The following ATP8A2 variants were observed in gnomAD, a reference collection of about 807,000 sequenced individuals.
ATP8A2 encodes the protein phospholipid-transporting ATPase IB.
ATP8A2 carries 100 observed loss-of-function variants against 165.6 expected under a neutral mutation model. That is an observed-to-expected ratio of 0.60 (90% CI 0.51 to 0.71). The LOEUF (loss-of-function observed/expected upper bound fraction) is 0.71, where lower values mean the gene tolerates loss of function less well. Ranked by LOEUF, ATP8A2 falls within the 30% of genes least tolerant of loss-of-function variation. The pLI is 0.00. For synonymous variants in ATP8A2, 543 were observed against 548.8 expected (o/e 0.99, Z 0.15); for missense variants, 1,227 against 1,479.5 (o/e 0.83, Z 2.80).
intron 4 of ATP8A2, among the ~76,000 whole-genome samples, chr13:25,531,284 TATATG>T (rs2038058578): frequency 3.3e-5 from 2 of 60,210 alleles, no homozygotes; most frequent in Non-Finnish European, 8.4e-5. Context: ...ATATATGTTA[TATATG>T]ATATATATGT....
intron 25 of ATP8A2, among the ~76,000 whole-genome samples, chr13:25,759,014 G>A (rs2044323169): frequency 6.6e-6 from 1 of 152,124 alleles, no homozygotes; most frequent in South Asian, 2.1e-4. Flanking sequence ...AAAGAAGGAA[G>A]GGGGGAGAGA....
At chr13:25,788,359 G>A (rs2045084104) in intron 27 of ATP8A2, among the ~76,000 whole-genome samples, 1 of 152,198 alleles carries the variant, frequency 6.6e-6, no homozygotes, top group South Asian at 2.1e-4. Context: ...AGCTCTTCTA[G>A]TCTGTTGTTC....
chr13:25,656,436 C>T (rs915219566), intron 24 of ATP8A2, among the ~76,000 whole-genome samples: 10 of 151,664 alleles, frequency 6.6e-5, no homozygotes, highest in Non-Finnish European at 1.0e-4. Flanking sequence ...CCATGATGCC[C>T]GGCTAATTTT....
At chr13:25,973,222 T>G (rs1955953069) in intron 35 of ATP8A2, among the ~76,000 whole-genome samples, 1 of 152,212 alleles carries the variant, frequency 6.6e-6, no homozygotes, top group Non-Finnish European at 1.5e-5. Flanking sequence ...GCTGTGTGGC[T>G]GGTCTTAAAC....
intron 28 of ATP8A2, among the ~76,000 whole-genome samples, chr13:25,834,356 G>A (rs964187111): frequency 2.0e-5 from 3 of 152,132 alleles, no homozygotes; most frequent in African/African-American, 7.2e-5. Flanking sequence ...GCAGAATCTA[G>A]TAAAATTAAA....
intron 18 of ATP8A2, among the ~76,000 whole-genome samples, chr13:25,572,386 G>A (rs1468266203): frequency 2.0e-5 from 3 of 152,180 alleles, no homozygotes; most frequent in East Asian, 3.8e-4. Flanking sequence ...TGGTCCACCC[G>A]CCTTGGCCTC....
chr13:25,835,747 C>A (rs1951587290), intron 28 of ATP8A2, among the ~76,000 whole-genome samples: 1 of 152,130 alleles, frequency 6.6e-6, no homozygotes, highest in South Asian at 2.1e-4. Context: ...AGTCACAAGT[C>A]TTGCAAGGCA....
At chr13:26,011,137 G>T (rs1359018331) in intron 35 of ATP8A2, among the ~76,000 whole-genome samples, 1 of 152,186 alleles carries the variant, frequency 6.6e-6, no homozygotes, top group Non-Finnish European at 1.5e-5. Context: ...ACAAACGTAA[G>T]GGGGGTCTGT....
rs1311873807 is a variant in ATP8A2 at position 25,901,455 on chromosome 13, C to A, written c.3183+39047C>A. On this transcript the variant is annotated intron_variant, in intron 33 of 36. Transcript: ENST00000381655. ...ACTTAGAATTGGGAAGTTTTGTGCA[C>A]CCATGTCTAGGAATTAAATTTTATA... Among the ~76,000 whole-genome samples the A allele has an allele frequency of 4.7e-5, 7 of 149,546 alleles. No individual in the cohort carries two copies. In the East Asian group the frequency reaches 1.4e-3, roughly 29 times the overall value.
intron 16 of ATP8A2, among the ~76,000 whole-genome samples, chr13:25,566,070 A>C (rs113278443): frequency 0.054 from 8,202 of 152,168 alleles, 293 homozygotes; most frequent in South Asian, 0.14. Flanking sequence ...AACTTTTTCT[A>C]AGTTTTCATG....
intron 2 of ATP8A2, among the ~76,000 whole-genome samples, chr13:25,472,054 T>A (rs2035860201): frequency 6.6e-6 from 1 of 152,158 alleles, no homozygotes; most frequent in Non-Finnish European, 1.5e-5. Context: ...ACTCTGTGTT[T>A]AAATAGGAAT....
intron 24 of ATP8A2, among the ~76,000 whole-genome samples, chr13:25,597,878 G>A (rs2040278755): frequency 6.7e-6 from 1 of 149,288 alleles, no homozygotes; most frequent in Non-Finnish European, 1.5e-5. Flanking sequence ...TAATTTTGTT[G>A]AAGTCAAAAT....
At chr13:25,423,995 T>A (rs1170001367) in intron 1 of ATP8A2, among the ~76,000 whole-genome samples, 1 of 152,150 alleles carries the variant, frequency 6.6e-6, no homozygotes, top group African/African-American at 2.4e-5. Flanking sequence ...TTGAGCCAGG[T>A]TGGAAGATTT....
chr13:25,935,735 C>T (rs990244863), intron 33 of ATP8A2, among the ~76,000 whole-genome samples: 2 of 152,086 alleles, frequency 1.3e-5, no homozygotes, highest in African/African-American at 4.8e-5. Flanking sequence ...GGGATCTGCC[C>T]CCATGGTCCA....
chr13:25,947,992 C>A (rs556211042), intron 33 of ATP8A2, among the ~76,000 whole-genome samples: 5 of 152,162 alleles, frequency 3.3e-5, no homozygotes, highest in African/African-American at 1.2e-4. Context: ...TAGAAGACAC[C>A]CAATGGGCAT....
At chr13:25,511,449 A>T (rs1016373001) in intron 2 of ATP8A2, among the ~76,000 whole-genome samples, 7 of 152,174 alleles carry the variant, frequency 4.6e-5, no homozygotes, top group Non-Finnish European at 8.8e-5. Flanking sequence ...CTTGAGTTGT[A>T]TTCCCTGATA....
chr13:25,695,610 C>T (rs1057426282), intron 24 of ATP8A2, among the ~76,000 whole-genome samples: 3 of 152,190 alleles, frequency 2.0e-5, no homozygotes, highest in Non-Finnish European at 4.4e-5. Context: ...AGAATGTTCA[C>T]GGCGTGTTCA....
intron 2 of ATP8A2, among the ~76,000 whole-genome samples, chr13:25,503,950 CT>C (rs2036940432): frequency 6.6e-6 from 1 of 152,200 alleles, no homozygotes; most frequent in Non-Finnish European, 1.5e-5. Flanking sequence ...GGAGATTGTC[CT>C]TTGCTAATGG....
intron 33 of ATP8A2, among the ~76,000 whole-genome samples, chr13:25,947,463 C>T (rs1262589479): frequency 6.6e-6 from 1 of 152,098 alleles, no homozygotes; most frequent in African/African-American, 2.4e-5. Context: ...AAGTCTTTAC[C>T]GTCATCAGTG....
Sources: gnomAD v4.1 joint callset for allele counts (sites outside exome capture counted in the v4.1 genomes callset) on GRCh38, gnomAD v4.1.1 for gene constraint, MANE v1.5 for transcripts, NCBI Gene and HGNC (gene_info 2026-07-23, HGNC 2026-07-21) for gene names.